STX8: variants seen among roughly 807,000 people sequenced by gnomAD.
The protein encoded by STX8 is syntaxin-8.
A neutral mutation model predicts 37.5 loss-of-function variants in STX8; 23 were observed. That is an observed-to-expected ratio of 0.61 (90% CI 0.44 to 0.87). The LOEUF is 0.87. STX8 is among the 40% of genes least tolerant of loss of function. STX8 has a pLI of 0.00. For missense variants in STX8, 313 were observed against 284.7 expected, an observed-to-expected ratio of 1.10 and a Z score of -0.71; for synonymous variants, 115 against 99.1, an observed-to-expected ratio of 1.16 and a Z score of -0.95.
chr17:9,310,534 C>T (rs753686461), intron 7 of STX8, among the ~76,000 whole-genome samples: 110 of 152,172 alleles, frequency 7.2e-4, no homozygotes, highest in Non-Finnish European at 1.0e-3. Context: ...AATACAAAAC[C>T]TTCAGTAAAG....
chr17:9,523,513 C>A (rs1471266597), intron 4 of STX8, among the ~76,000 whole-genome samples: 1 of 152,050 alleles, frequency 6.6e-6, no homozygotes, highest in Non-Finnish European at 1.5e-5. Context: ...TCTGCAATAA[C>A]AACTCTCCAT....
At chr17:9,318,429 AAAT>A (rs2142200995) in intron 7 of STX8, among the ~76,000 whole-genome samples, 1 of 152,304 alleles carries the variant, frequency 6.6e-6, no homozygotes, top group South Asian at 2.1e-4. Flanking sequence ...GTACCCATAA[AAAT>A]AATGACAGAA....
chr17:9,315,559 C>G (rs1212932043), intron 7 of STX8, among the ~76,000 whole-genome samples: 1 of 152,160 alleles, frequency 6.6e-6, no homozygotes, highest in Non-Finnish European at 1.5e-5. Context: ...CATGCACAAC[C>G]CTTTTCATAA....
intron 7 of STX8, among the ~76,000 whole-genome samples, chr17:9,303,846 A>G (rs537217346): frequency 2.6e-5 from 4 of 152,198 alleles, no homozygotes; most frequent in Non-Finnish European, 5.9e-5. Context: ...GTCTAGAAAA[A>G]AAATCCATGA....
intron 7 of STX8, among the ~76,000 whole-genome samples, chr17:9,372,273 C>T (rs552876636): frequency 1.3e-3 from 201 of 150,822 alleles, no homozygotes; most frequent in Non-Finnish European, 2.2e-3. Context: ...TTTCCACAAC[C>T]CCCCATGGTA....
intron 7 of STX8, among the ~76,000 whole-genome samples, chr17:9,364,035 C>A (rs777592316): frequency 5.3e-5 from 8 of 152,180 alleles, no homozygotes; most frequent in Non-Finnish European, 1.2e-4. Context: ...GAAAAACAGG[C>A]TTTTCCACAG....
intron 7 of STX8, among the ~76,000 whole-genome samples, chr17:9,292,696 C>T (rs967824770): frequency 6.6e-6 from 1 of 152,224 alleles, no homozygotes; most frequent in Non-Finnish European, 1.5e-5. Context: ...AGCTCACAGT[C>T]CTGGCCCTGG....
Position 9,394,720 on chromosome 17 carries a change from T to C in STX8, c.542-16067A>G, listed in dbSNP as rs187507555. Among the ~76,000 whole-genome samples, 201 of 151,896 alleles carry C rather than the reference T, an allele frequency of 1.3e-3. 4 individuals carry two copies. The highest frequency in any genetic ancestry group is 3.1e-4 in the Non-Finnish European group (21 of 67,958). ...ACAACTGCCAATATTTAGTAAAAAT[T>C]GCCAGATGCTAAGCCATTGTTTCTC... On this transcript the variant is annotated intron_variant, in intron 6 of 7. Transcript: ENST00000306357.
intron 7 of STX8, among the ~76,000 whole-genome samples, chr17:9,370,924 A>AG: frequency 6.8e-6 from 1 of 147,208 alleles, no homozygotes; most frequent in East Asian, 2.0e-4. Flanking sequence ...AGAAGCTAGA[A>AG]AAAAAAAAAA....
At chr17:9,399,445 C>CA (rs1209657806) in intron 6 of STX8, among the ~76,000 whole-genome samples, 1 of 152,180 alleles carries the variant, frequency 6.6e-6, no homozygotes, top group East Asian at 1.9e-4. Flanking sequence ...GTCTGTAGTG[C>CA]AACCTGTCTG....
At chr17:9,311,311 C>A (rs906279190) in intron 7 of STX8, among the ~76,000 whole-genome samples, 3 of 151,450 alleles carry the variant, frequency 2.0e-5, no homozygotes, top group Admixed American at 2.0e-4. Flanking sequence ...TCGCAGCTGC[C>A]TGAAATATGT....
At chr17:9,530,369 GTTCCATTTCAGCAAATACAGTT>G (rs1231657373) in intron 4 of STX8, among the ~76,000 whole-genome samples, 1 of 151,332 alleles carries the variant, frequency 6.6e-6, no homozygotes, top group Admixed American at 6.6e-5. Context: ...CTTTTGTATA[GTTCCATTTCAGCAAATACAGTT>G]TTCCATTTCA....
rs529597715 is a variant in STX8 at position 9,265,292 on chromosome 17, G to A, written c.644-14647C>T. Among the ~76,000 whole-genome samples, 11 of 152,282 alleles carry A rather than the reference G, an allele frequency of 7.2e-5. No individual in the cohort carries two copies. The East Asian group carries it at 2.1e-3, about 29-fold the overall frequency. On this transcript the variant is annotated intron_variant, in intron 7 of 7. Transcript: ENST00000306357. ...CAGTTCCAGGGCAAGAGGTTTCTGGGGCCCAGATTGGGGCAGGAGAGCTCA... is the reference window on the plus strand; with the variant it reads ...CAGTTCCAGGGCAAGAGGTTTCTGGAGCCCAGATTGGGGCAGGAGAGCTCA...
intron 6 of STX8, among the ~76,000 whole-genome samples, chr17:9,422,445 G>A (rs761867441): frequency 2.0e-5 from 3 of 152,248 alleles, no homozygotes; most frequent in Non-Finnish European, 2.9e-5. Context: ...ATGTGAGAAC[G>A]GACTAATACA....
chr17:9,525,101 G>A (rs891310722), intron 4 of STX8, among the ~76,000 whole-genome samples: 9 of 152,146 alleles, frequency 5.9e-5, no homozygotes, highest in Admixed American at 2.6e-4. Context: ...GAGCCACTGC[G>A]CCTGGCCAAC....
At chr17:9,469,492 A>AC (rs1383809239) in intron 6 of STX8, among the ~76,000 whole-genome samples, 5 of 152,196 alleles carry the variant, frequency 3.3e-5, no homozygotes, top group African/African-American at 4.8e-5. Flanking sequence ...ATAAAAGATT[A>AC]AGAAGAAATA....
chr17:9,298,182 A>G (rs951916742), intron 7 of STX8, among the ~76,000 whole-genome samples: 5 of 152,262 alleles, frequency 3.3e-5, no homozygotes, highest in Admixed American at 3.3e-4. Flanking sequence ...ACGTGGGAGC[A>G]TGGATGAACT....
intron 6 of STX8, among the ~76,000 whole-genome samples, chr17:9,421,249 G>A (rs761814113): frequency 2.0e-5 from 3 of 151,766 alleles, no homozygotes; most frequent in East Asian, 3.9e-4. Flanking sequence ...GAAATTAGCC[G>A]GGCATGGTGG....
chr17:9,519,564 T>C (rs1421702974), intron 4 of STX8, among the ~76,000 whole-genome samples: 5 of 152,152 alleles, frequency 3.3e-5, no homozygotes, highest in African/African-American at 4.8e-5. Flanking sequence ...CAAATCATCC[T>C]ACACTCTGCT....
Sources: allele counts gnomAD v4.1 joint callset (sites outside exome capture counted in the v4.1 genomes callset), GRCh38; gene constraint gnomAD v4.1.1; transcripts MANE v1.5; gene names NCBI Gene and HGNC (gene_info 2026-07-23, HGNC 2026-07-21).